The following ZNF608 variants were observed in gnomAD, a reference collection of about 807,000 sequenced individuals.
ZNF608 encodes renal carcinoma antigen NY-REN-36.
A neutral mutation model predicts 109.0 loss-of-function variants in ZNF608; 12 were observed. The ratio of observed to expected loss-of-function variants is 0.11; its 90% CI spans 0.07 to 0.18. ZNF608 has a LOEUF of 0.18. Ranked by LOEUF, ZNF608 falls within the 10% of genes least tolerant of loss-of-function variation. ZNF608 has a pLI of 1.00. For missense variants in ZNF608, 1,707 were observed against 1,879.3 expected, an observed-to-expected ratio of 0.91 and a Z score of 1.70; for synonymous variants, 732 against 717.4, an observed-to-expected ratio of 1.02 and a Z score of -0.33.
At chr5:124,699,547 AC>A (rs1182270101) in intron 3 of ZNF608, among the ~76,000 whole-genome samples, 1 of 152,242 alleles carries the variant, frequency 6.6e-6, no homozygotes, top group Non-Finnish European at 1.5e-5. Context: ...GACCATAGCT[AC>A]TTTCAGTCCT....
intron 3 of ZNF608, among the ~76,000 whole-genome samples, chr5:124,664,149 G>A (rs1260338112): frequency 1.3e-5 from 2 of 151,976 alleles, no homozygotes; most frequent in African/African-American, 2.4e-5. Flanking sequence ...TTCTTGAGTC[G>A]TCCTATTTCT....
Position 124,641,260 on chromosome 5 carries a change from G to T in ZNF608, c.4442C>A (p.Pro1481His). ...GYPLIPGQYD[P>H]FQGLTSAALV... Reference sequence around the variant, plus strand: ...ATGATAGAGCTGCTGACCTTGAAAAGGGTCATATTGACCCGGGATTAGCGG... The same window carrying T: ...ATGATAGAGCTGCTGACCTTGAAAATGGTCATATTGACCCGGGATTAGCGG... Residue 1481 changes from proline (P) to histidine (H), a missense_variant, in exon 8 of 10, where the codon CCT becomes CAT. Pro to His is a moderately conservative substitution (Grantham distance 77). Coordinates refer to ENST00000513986, the MANE Select transcript of ZNF608 (RefSeq NM_020747.3). 1 of 1,613,666 alleles carries T rather than the reference G, an allele frequency of 6.2e-7. No individual in the cohort carries two copies. Among genetic ancestry groups the T allele is most frequent in the East Asian group, 2.2e-5 (1 of 44,868 alleles).
At chr5:124,717,776 G>T (rs775385420) in intron 2 of ZNF608, among the ~76,000 whole-genome samples, 1 of 152,086 alleles carries the variant, frequency 6.6e-6, no homozygotes. Context: ...AGTTCTCAAA[G>T]CCCACCATGT....
intron 3 of ZNF608, among the ~76,000 whole-genome samples, chr5:124,661,508 G>A (rs1166715637): frequency 6.7e-6 from 1 of 149,876 alleles, no homozygotes. Context: ...GCCCCACAGA[G>A]TTACAAGTAT....
chr5:124,691,904 T>C (rs564189012), intron 3 of ZNF608, among the ~76,000 whole-genome samples: 24 of 151,998 alleles, frequency 1.6e-4, no homozygotes, highest in African/African-American at 7.2e-5. Flanking sequence ...ACGGTACCTA[T>C]GGTTAAGAAT....
At chr5:124,710,155 G>A (rs561723557) in intron 2 of ZNF608, 42 of 441,388 alleles carry the variant, frequency 9.5e-5, no homozygotes, top group Non-Finnish European at 1.7e-4. Context: ...TGAAATCAGG[G>A]AAAGGTTAGA....
chr5:124,651,592 CAACA>C, intron 3 of ZNF608, among the ~76,000 whole-genome samples: 1 of 152,368 alleles, frequency 6.6e-6, no homozygotes, highest in South Asian at 2.1e-4. Flanking sequence ...ATGAAAGAAA[CAACA>C]AACCTTCCAT....
intron 2 of ZNF608, among the ~76,000 whole-genome samples, chr5:124,715,290 A>G (rs1433772174): frequency 6.6e-6 from 1 of 152,208 alleles, no homozygotes; most frequent in Non-Finnish European, 1.5e-5. Flanking sequence ...TGATGCCACA[A>G]AGAAATGAAG....
intron 2 of ZNF608, among the ~76,000 whole-genome samples, chr5:124,732,519 T>C (rs925548323): frequency 6.7e-6 from 1 of 150,048 alleles, no homozygotes; most frequent in African/African-American, 2.5e-5. Flanking sequence ...TTCTAGTCCT[T>C]AGGAAAGGGG....
intron 7 of ZNF608, among the ~76,000 whole-genome samples, chr5:124,643,250 C>A (rs1269358104): frequency 2.0e-5 from 3 of 152,114 alleles, no homozygotes; most frequent in Non-Finnish European, 4.4e-5. Context: ...TTCCACCTAA[C>A]AACCATCCTC....
Position 124,641,377 on chromosome 5 carries a change from T to C in ZNF608, c.4325A>G (p.Glu1442Gly), listed in dbSNP as rs1279745694. The change falls in exon 8 of 10, where the codon GAA (glutamate) becomes GGA (glycine). Residue 1442 changes from glutamate to glycine, a missense_variant. Glu to Gly is a moderately conservative substitution (Grantham distance 98). This residue lies in a region of ZNF608 where 1,073 missense variants were observed against 1,133.5 expected (regional missense o/e 0.95). Transcript: ENST00000513986. ...APVEKATAER[E>G]REAERERDRH... ...ATCCCTTTCCCTTTCTGCCTCCCGT[T>C]CCCGCTCAGCTGTAGCCTTTTCCAC... The C allele has an allele frequency of 6.2e-7, 1 of 1,613,958 alleles. No individual in the cohort carries two copies. Among genetic ancestry groups the C allele is most frequent in the South Asian group, 1.1e-5 (1 of 91,038 alleles).
At chr5:124,645,330 T>C (rs1036669372) in intron 5 of ZNF608, among the ~76,000 whole-genome samples, 3 of 152,200 alleles carry the variant, frequency 2.0e-5, no homozygotes, top group African/African-American at 7.2e-5. Flanking sequence ...CCCAAAATTA[T>C]ATAAATCTTC....
intron 2 of ZNF608, among the ~76,000 whole-genome samples, chr5:124,733,047 G>A (rs1427126472): frequency 6.6e-6 from 1 of 151,542 alleles, no homozygotes; most frequent in African/African-American, 2.4e-5. Flanking sequence ...AAAAAAAAGG[G>A]TAAAAACAGC....
intron 2 of ZNF608, chr5:124,708,071 A>G (rs1052778540): frequency 2.6e-5 from 4 of 152,236 alleles, no homozygotes; most frequent in Non-Finnish European, 4.4e-5. Context: ...AGAAGCAGAA[A>G]CTGAAGATCT....
At chr5:124,711,256 AAC>A (rs1580674682) in intron 2 of ZNF608, among the ~76,000 whole-genome samples, 2 of 152,266 alleles carry the variant, frequency 1.3e-5, no homozygotes, top group African/African-American at 2.4e-5. Flanking sequence ...CCTCTCTTCT[AAC>A]AGTTTCTTGT....
intron 2 of ZNF608, among the ~76,000 whole-genome samples, chr5:124,714,257 A>T (rs540267585): frequency 1.3e-5 from 2 of 152,322 alleles, no homozygotes; most frequent in African/African-American, 4.8e-5. Context: ...ATTTTATCTT[A>T]ATTGCCCCAT....
chr5:124,746,372 C>T lies in ZNF608; in HGVS notation c.-361G>A, dbSNP rs114791948. The T allele has an allele frequency of 0.017, 16,301 of 985,278 alleles. 168 individuals are homozygous for T. Among genetic ancestry groups the T allele is most frequent in the Non-Finnish European group, 0.018 (15,316 of 829,902 alleles). The allele number at this position is 985,278 out of a possible 1,614,324, so 61.0% of individuals were successfully genotyped here. On this transcript the variant is annotated 5_prime_UTR_variant, in exon 1 of 10. Transcript: ENST00000513986. ...CGATAACATTATTCCACCTCCCCAC[C>T]CCCCTTTTGGCAAACGAATCAGTCC...
chr5:124,718,005 T>C (rs1282259093), intron 2 of ZNF608, among the ~76,000 whole-genome samples: 2 of 152,152 alleles, frequency 1.3e-5, no homozygotes, highest in Non-Finnish European at 2.9e-5. Flanking sequence ...GCTCAACACA[T>C]AACATGGCTG....
chr5:124,661,471 T>C (rs142839298), intron 3 of ZNF608, among the ~76,000 whole-genome samples: 3 of 131,334 alleles, frequency 2.3e-5, no homozygotes, highest in Non-Finnish European at 5.0e-5. Context: ...AAAGTTCTTA[T>C]CTTTCAGGGA....
Sources: allele counts gnomAD v4.1 joint callset (sites outside exome capture counted in the v4.1 genomes callset), GRCh38; gene constraint gnomAD v4.1.1; regional missense constraint gnomAD v4.1.1; transcripts MANE v1.5; gene names NCBI Gene and HGNC (gene_info 2026-07-23, HGNC 2026-07-21).